The following SATB2 variants were observed in gnomAD, a reference collection of about 807,000 sequenced individuals.
The protein encoded by SATB2 is SATB homeobox 2.
A neutral mutation model predicts 73.4 loss-of-function variants in SATB2; 1 was observed. The ratio of observed to expected loss-of-function variants is 0.01; its 90% CI spans 0.00 to 0.06. The LOEUF (loss-of-function observed/expected upper bound fraction) is 0.06. Among genes scored for constraint, SATB2 ranks in the 10% least tolerant of loss-of-function variants. The probability of loss-of-function intolerance (pLI) is 1.00; values close to 1 mark genes in which losing one functional copy is unlikely to be tolerated. For synonymous variants in SATB2, 397 were observed against 367.0 expected, an observed-to-expected ratio of 1.08 and a Z score of -0.93; for missense variants, 459 against 945.8, an observed-to-expected ratio of 0.49 and a Z score of 6.75.
intron 10 of SATB2, among the ~76,000 whole-genome samples, chr2:199,295,717 G>A (rs1324952080): frequency 6.6e-6 from 1 of 152,084 alleles, no homozygotes; most frequent in Non-Finnish European, 1.5e-5. Context: ...TGATTATTAG[G>A]ATGACCCCAA....
intron 9 of SATB2, among the ~76,000 whole-genome samples, chr2:199,320,777 C>T (rs1432077724): frequency 6.6e-6 from 1 of 152,134 alleles, no homozygotes; most frequent in Non-Finnish European, 1.5e-5. Flanking sequence ...CTCTCTAAAA[C>T]TTTCCTCCCT....
At chr2:199,366,491 C>T (rs1251405386) in intron 6 of SATB2, among the ~76,000 whole-genome samples, 1 of 152,066 alleles carries the variant, frequency 6.6e-6, no homozygotes, top group Non-Finnish European at 1.5e-5. Context: ...TGTTTATTTT[C>T]TGTACACCAT....
At chr2:199,287,895 C>T (rs1409326925) in intron 10 of SATB2, among the ~76,000 whole-genome samples, 2 of 152,128 alleles carry the variant, frequency 1.3e-5, no homozygotes, top group African/African-American at 4.8e-5. Context: ...AAATCACATA[C>T]CCCCGAGTCT....
At chr2:199,316,387 T>C (rs1168736623) in intron 9 of SATB2, among the ~76,000 whole-genome samples, 1 of 152,108 alleles carries the variant, frequency 6.6e-6, no homozygotes, top group East Asian at 1.9e-4. Context: ...GACAAGGAGA[T>C]TATCTAAACC....
chr2:199,322,322 G>C (rs1425042212), intron 9 of SATB2, among the ~76,000 whole-genome samples: 1 of 152,142 alleles, frequency 6.6e-6, no homozygotes, highest in Non-Finnish European at 1.5e-5. Context: ...TTACACAGTG[G>C]AAAACCATTA....
At position 199,272,571 on chromosome 2, in the gene SATB2, C is replaced by T. The variant is rs756772038; in HGVS notation, c.1842G>A (p.Lys614=). Residue 614 remains lysine, a synonymous_variant, in exon 11 of 11, where the codon AAG becomes AAA. Coordinates refer to ENST00000417098, the MANE Select transcript of SATB2 (RefSeq NM_001172509.2). The surrounding 1 kb of genome is among the most constrained non-coding windows in gnomAD (Gnocchi z 6.7). ...PPPTEDSCAK[K]PRSRTKISLE... ...AGGAGATCTTTGTGCGAGACCGGGG[C>T]TTTTTGGCACAACTGTCTTCAGTCG... The T allele has an allele frequency of 2.2e-5, 36 of 1,613,972 alleles. No homozygotes were observed. Among genetic ancestry groups the T allele is most frequent in the Non-Finnish European group, 2.9e-5 (34 of 1,179,998 alleles).
chr2:199,275,851 C>T (rs975147836), intron 10 of SATB2, among the ~76,000 whole-genome samples: 7 of 152,144 alleles, frequency 4.6e-5, no homozygotes, highest in African/African-American at 1.7e-4. Flanking sequence ...TAAAGTGAAA[C>T]TGTCTTACAA....
chr2:199,331,117 A>G (rs1181612940), intron 7 of SATB2, among the ~76,000 whole-genome samples: 1 of 152,142 alleles, frequency 6.6e-6, no homozygotes, highest in Non-Finnish European at 1.5e-5. Flanking sequence ...GTGACATAAC[A>G]AAACTATTGT....
intron 4 of SATB2, 63 bp downstream of exon 4, chr2:199,381,631 T>C: frequency 4.4e-6 from 7 of 1,598,316 alleles, no homozygotes; most frequent in African/African-American, 4.0e-5. Flanking sequence ...ATCTTTGCAG[T>C]GAATCTATGA....
intron 6 of SATB2, among the ~76,000 whole-genome samples, chr2:199,366,250 A>G (rs1416477652): frequency 6.6e-6 from 1 of 152,058 alleles, no homozygotes; most frequent in Non-Finnish European, 1.5e-5. Context: ...TTTCACTACT[A>G]CTGGTTTCCA....
At chr2:199,359,006 T>A (rs947043915) in intron 6 of SATB2, among the ~76,000 whole-genome samples, 3 of 152,214 alleles carry the variant, frequency 2.0e-5, no homozygotes, top group Non-Finnish European at 4.4e-5. Context: ...TCTTCATTTT[T>A]ATTCTTTATT....
chr2:199,419,480 A>G (rs1346685663), intron 3 of SATB2, among the ~76,000 whole-genome samples: 1 of 152,332 alleles, frequency 6.6e-6, no homozygotes. Flanking sequence ...AGAAAGATGT[A>G]CCTGCATTCC....
chr2:199,448,696 T>A (rs1367961728), intron 2 of SATB2, among the ~76,000 whole-genome samples: 2 of 152,206 alleles, frequency 1.3e-5, no homozygotes, highest in African/African-American at 4.8e-5. Context: ...TGAGCTGCTG[T>A]GCACATTTCA....
rs529469797 is a variant in SATB2 at position 199,318,720 on chromosome 2, T to TA, written c.1542+5082dup. 1.1e-4 allele frequency among the ~76,000 whole-genome samples: 17 copies of TA among 152,024 alleles called. No homozygotes were observed. The East Asian group carries it at 3.3e-3, about 29-fold the overall frequency. On this transcript the variant is annotated intron_variant, in intron 9 of 10. Coordinates refer to ENST00000417098, the MANE Select transcript of SATB2 (RefSeq NM_001172509.2). ...AATCACAAAATATAAATTATTTCTT[T>TA]AAAAAATGTATAAATATGTACCTGA...
intron 3 of SATB2, among the ~76,000 whole-genome samples, chr2:199,426,509 C>G (rs934690447): frequency 6.6e-6 from 1 of 151,726 alleles, no homozygotes; most frequent in African/African-American, 2.4e-5. Context: ...GTTGGCCAGG[C>G]TGGTCTCAAA....
At chr2:199,431,142 T>C (rs1367754827) in intron 3 of SATB2, among the ~76,000 whole-genome samples, 1 of 152,236 alleles carries the variant, frequency 6.6e-6, no homozygotes. Context: ...TAAAACTTCA[T>C]GCCTTCAGTC....
Position 199,272,749 on chromosome 2 carries a change from T to C in SATB2, c.1741-77A>G. The C allele has an allele frequency of 7.6e-7, 1 of 1,318,550 alleles. No individual in the cohort carries two copies. The highest frequency in any genetic ancestry group is 1.1e-6 in the Non-Finnish European group (1 of 911,988). The allele number at this position is 1,318,550 out of a possible 1,614,324, so 81.7% of individuals were successfully genotyped here. ...CCAAAACCATCAGCCCTCTGAAATA[T>C]GTGTTATCTATCTAGCACTGGAGGT... On this transcript the variant is annotated intron_variant, in intron 10 of 10. Transcript: ENST00000417098. The surrounding 1 kb of genome is among the most constrained non-coding windows in gnomAD (Gnocchi z 6.7).
At chr2:199,345,379 C>T (rs190667579) in intron 7 of SATB2, among the ~76,000 whole-genome samples, 59 of 151,568 alleles carry the variant, frequency 3.9e-4, no homozygotes, top group Non-Finnish European at 7.8e-4. Context: ...CTCATTAGCT[C>T]GTCATTTACA....
In SATB2 at chr2:199,271,916, T is replaced by TGATTATAA. The variant is rs1277543777; in HGVS notation, c.*287_*294dup. 2 of 442,082 alleles carry TGATTATAA rather than the reference T, an allele frequency of 4.5e-6. No individual in the cohort carries two copies. Among genetic ancestry groups the TGATTATAA allele is most frequent in the African/African-American group, 4.0e-5 (2 of 50,292 alleles). The allele number at this position is 442,082 out of a possible 1,614,324, so 27.4% of individuals were successfully genotyped here. ...AGGATAATGAAGGCAGAGTCTCCTG[T>TGATTATAA]GATTATAATGACTATGATCCAGTCA... On this transcript the variant is annotated 3_prime_UTR_variant, in exon 11 of 11. Transcript: ENST00000417098.
Sources: allele counts gnomAD v4.1 joint callset (sites outside exome capture counted in the v4.1 genomes callset), GRCh38; gene constraint gnomAD v4.1.1; non-coding constraint Gnocchi (gnomAD v3.1); transcripts MANE v1.5; gene names NCBI Gene and HGNC (gene_info 2026-07-23, HGNC 2026-07-21).